Variants in MC2R observed in about 807,000 individuals in gnomAD.
The protein encoded by MC2R is melanocortin 2 receptor.
Under a neutral mutation model 9.8 loss-of-function variants are expected in MC2R, and 9 were observed. That is an observed-to-expected ratio of 0.92 (90% CI 0.55 to 1.60). The LOEUF is 1.60. MC2R is among the 40% of genes most tolerant of loss of function. The probability of loss-of-function intolerance (pLI) is 0.00; values close to 1 mark genes in which losing one functional copy is unlikely to be tolerated. For missense variants in MC2R, 370 were observed against 389.0 expected (o/e 0.95, Z 0.41); for synonymous variants, 185 against 154.7 (o/e 1.20, Z -1.45).
chr18:13,903,412 T>C (rs1225084142), intron 1 of MC2R, among the ~76,000 whole-genome samples: 1 of 152,178 alleles, frequency 6.6e-6, no homozygotes, highest in East Asian at 1.9e-4. Context: ...TGCAGCACTG[T>C]TTACAATAGC....
chr18:13,883,625 ACACTCTCTCTCTCT>A lies in MC2R; in HGVS notation c.*986_*999del, dbSNP rs1323870363. 5 of 42,468 alleles carry A rather than the reference ACACTCTCTCTCTCT, an allele frequency of 1.2e-4. No individual in the cohort carries two copies. The highest frequency in any genetic ancestry group is 3.6e-4 in the African/African-American group (5 of 14,026). The allele number at this position is 42,468 out of a possible 1,614,324, so 2.6% of individuals were successfully genotyped here. A position where few individuals can be genotyped will look rare whatever the true frequency, so the allele number is the denominator to read the frequency against. On this transcript the variant is annotated 3_prime_UTR_variant, in exon 2 of 2. Coordinates refer to ENST00000327606, the MANE Select transcript of MC2R (RefSeq NM_000529.2). ...CACACACACACACACACACACACAC[ACACTCTCTCTCTCT>A]CTCTCTCTCTCTCTCTCTGTCTGTC...
chr18:13,885,591 G>T lies in MC2R; in HGVS notation c.-73C>A. On this transcript the variant is annotated 5_prime_UTR_variant, in exon 2 of 2. Coordinates refer to ENST00000327606, the MANE Select transcript of MC2R (RefSeq NM_000529.2). ...ACGGAAAACTTGATTGATTCTTCAG[G>T]ATCTTTTCTTCCTTGTAGCACTTGC... The T allele has an allele frequency of 6.5e-7, 1 of 1,530,188 alleles. No individual in the cohort carries two copies. The highest frequency in any genetic ancestry group is 9.0e-7 in the Non-Finnish European group (1 of 1,107,944). 94.8% of individuals were successfully genotyped at this position (1,530,188 alleles called of 1,614,324 possible).
chr18:13,901,750 A>G (rs562087639), intron 1 of MC2R, among the ~76,000 whole-genome samples: 1 of 152,166 alleles, frequency 6.6e-6, no homozygotes, highest in Non-Finnish European at 1.5e-5. Context: ...AAAGTCTCCC[A>G]GTAAAGAAAA....
intron 1 of MC2R, among the ~76,000 whole-genome samples, chr18:13,898,310 G>A (rs2045358479): frequency 6.6e-6 from 1 of 152,316 alleles, no homozygotes; most frequent in Middle Eastern, 3.4e-3. Context: ...AGACGGGTGA[G>A]TGGGAAAGAC....
intron 1 of MC2R, among the ~76,000 whole-genome samples, chr18:13,907,160 G>A (rs972155286): frequency 6.6e-6 from 1 of 152,172 alleles, no homozygotes. Context: ...CACGGCATCA[G>A]CATAAAAACA....
chr18:13,900,385 G>A (rs2149140380), intron 1 of MC2R, among the ~76,000 whole-genome samples: 1 of 152,078 alleles, frequency 6.6e-6, no homozygotes, highest in East Asian at 1.9e-4. Flanking sequence ...CAAAATGGCA[G>A]GAGTAAGTCC....
intron 1 of MC2R, among the ~76,000 whole-genome samples, chr18:13,913,271 G>A (rs142177233): frequency 1.4e-4 from 21 of 152,212 alleles, no homozygotes; most frequent in East Asian, 1.4e-3. Flanking sequence ...CACATCTCCC[G>A]TCCTCTGAGC....
intron 1 of MC2R, among the ~76,000 whole-genome samples, chr18:13,911,555 A>G (rs996384410): frequency 1.3e-5 from 2 of 152,124 alleles, no homozygotes; most frequent in African/African-American, 4.8e-5. Flanking sequence ...TGCCTTACCT[A>G]GCTCCTATTC....
intron 1 of MC2R, among the ~76,000 whole-genome samples, chr18:13,897,638 A>C (rs1425872692): frequency 6.6e-6 from 1 of 152,042 alleles, no homozygotes; most frequent in East Asian, 1.9e-4. Flanking sequence ...GGAGAAGAGA[A>C]GGAAGAGTAG....
intron 1 of MC2R, among the ~76,000 whole-genome samples, chr18:13,913,322 C>T (rs765352548): frequency 1.3e-5 from 2 of 152,176 alleles, no homozygotes; most frequent in East Asian, 3.9e-4. Context: ...TGCCTTCCTG[C>T]CAGTGTGACC....
chr18:13,886,069 T>G (rs2045274381), intron 1 of MC2R, among the ~76,000 whole-genome samples: 1 of 144,126 alleles, frequency 6.9e-6, no homozygotes, highest in African/African-American at 2.6e-5. Flanking sequence ...CATTGGAGAC[T>G]CGGAAGGGTG....
rs1047446321 is a variant in MC2R at position 13,884,407 on chromosome 18, A to G, written c.*218T>C. 1 of 608,742 alleles carries G rather than the reference A, an allele frequency of 1.6e-6. No homozygotes were observed. The highest frequency in any genetic ancestry group is 2.8e-5 in the Admixed American group (1 of 36,226). The allele number at this position is 608,742 out of a possible 1,614,324, so 37.7% of individuals were successfully genotyped here. Reference sequence around the variant, plus strand: ...TTGTATTCTATCCTTCTTTTACTACATCGTTTTATCTGTCCAGTCACAAAG... The same window carrying G: ...TTGTATTCTATCCTTCTTTTACTACGTCGTTTTATCTGTCCAGTCACAAAG... On this transcript the variant is annotated 3_prime_UTR_variant, in exon 2 of 2. Coordinates refer to ENST00000327606, the MANE Select transcript of MC2R (RefSeq NM_000529.2).
intron 1 of MC2R, among the ~76,000 whole-genome samples, chr18:13,911,624 T>G (rs1203864550): frequency 6.6e-6 from 1 of 152,082 alleles, no homozygotes; most frequent in Non-Finnish European, 1.5e-5. Flanking sequence ...CCACCATGAG[T>G]GCAGCGGGTA....
At chr18:13,910,728 T>TA (rs1355723037) in intron 1 of MC2R, among the ~76,000 whole-genome samples, 1 of 152,170 alleles carries the variant, frequency 6.6e-6, no homozygotes, top group Non-Finnish European at 1.5e-5. Context: ...CTGCTCCAGT[T>TA]ACACTCAGCA....
intron 1 of MC2R, among the ~76,000 whole-genome samples, chr18:13,900,229 T>G (rs1348917228): frequency 2.0e-5 from 3 of 152,032 alleles, no homozygotes; most frequent in Non-Finnish European, 4.4e-5. Flanking sequence ...TGCAAGCCTC[T>G]TGGTAACCTC....
At chr18:13,899,698 C>G (rs951664586) in intron 1 of MC2R, among the ~76,000 whole-genome samples, 1 of 152,102 alleles carries the variant, frequency 6.6e-6, no homozygotes, top group African/African-American at 2.4e-5. Flanking sequence ...GAGAGAGTGG[C>G]ATGGTATATT....
intron 1 of MC2R, among the ~76,000 whole-genome samples, chr18:13,910,123 A>AT: frequency 6.6e-6 from 1 of 152,210 alleles, no homozygotes; most frequent in Admixed American, 6.5e-5. Context: ...GTTTAAAATA[A>AT]TTTTTTCCTC....
chr18:13,913,960 ATGT>A, intron 1 of MC2R, among the ~76,000 whole-genome samples: 1 of 152,228 alleles, frequency 6.6e-6, no homozygotes, highest in Non-Finnish European at 1.5e-5. Context: ...AAGGCAAGGA[ATGT>A]GGCTTACACA....
intron 1 of MC2R, among the ~76,000 whole-genome samples, chr18:13,912,449 T>C (rs1048157836): frequency 6.6e-6 from 1 of 152,216 alleles, no homozygotes; most frequent in Admixed American, 6.5e-5. Context: ...CAAGCCTAGC[T>C]CTGAAACAGG....
Sources: gnomAD v4.1 joint callset for allele counts (sites outside exome capture counted in the v4.1 genomes callset) on GRCh38, gnomAD v4.1.1 for gene constraint, MANE v1.5 for transcripts, NCBI Gene and HGNC (gene_info 2026-07-23, HGNC 2026-07-21) for gene names.